Variants in RAD51B observed in about 807,000 individuals in gnomAD.
RAD51B encodes DNA repair protein RAD51 homolog 2.
A neutral mutation model predicts 42.2 loss-of-function variants in RAD51B; 38 were observed. That is an observed-to-expected ratio of 0.90 (90% CI 0.70 to 1.18). The LOEUF (loss-of-function observed/expected upper bound fraction) is 1.18. Among genes scored for constraint, RAD51B ranks in the 50% most tolerant of loss-of-function variants. The pLI, the probability that RAD51B is intolerant of heterozygous loss-of-function variation, is 0.00. For synonymous variants in RAD51B, 154 were observed against 145.2 expected (o/e 1.06, Z -0.43); for missense variants, 373 against 400.7 (o/e 0.93, Z 0.59).
chr14:68,110,960 T>C (rs2077450776), intron 7 of RAD51B, among the ~76,000 whole-genome samples: 1 of 152,114 alleles, frequency 6.6e-6, no homozygotes, highest in African/African-American at 2.4e-5. Flanking sequence ...TTACTCTCCC[T>C]GCACTTATCC....
Position 68,232,935 on chromosome 14 carries a change from G to A in RAD51B, c.757-58949G>A, listed in dbSNP as rs1057148039. Reference sequence around the variant, plus strand: ...TGGAAGGGCTATGTAGATCAAGGAGGTCAGATAAATTGGCTTGATGTTGGT... The same window carrying A: ...TGGAAGGGCTATGTAGATCAAGGAGATCAGATAAATTGGCTTGATGTTGGT... On this transcript the variant is annotated intron_variant, in intron 7 of 10. Coordinates refer to ENST00000471583, the MANE Select transcript of RAD51B (RefSeq NM_133510.4). Among the ~76,000 whole-genome samples, 5 of 152,292 alleles carry A rather than the reference G, an allele frequency of 3.3e-5. No individual in the cohort carries two copies. The East Asian group carries it at 9.6e-4, about 29-fold the overall frequency.
At chr14:67,960,990 A>T (rs2074652244) in intron 7 of RAD51B, among the ~76,000 whole-genome samples, 1 of 151,906 alleles carries the variant, frequency 6.6e-6, no homozygotes, top group Admixed American at 6.6e-5. Flanking sequence ...CTAAGTTATT[A>T]TTTGTTCGTT....
chr14:68,642,724 C>G (rs1314509428), intron 10 of RAD51B, among the ~76,000 whole-genome samples: 1 of 152,140 alleles, frequency 6.6e-6, no homozygotes, highest in Non-Finnish European at 1.5e-5. Flanking sequence ...GATCTTTCTT[C>G]TAACGTATGC....
chr14:68,261,333 G>A (rs1417345286), intron 7 of RAD51B, among the ~76,000 whole-genome samples: 1 of 152,240 alleles, frequency 6.6e-6, no homozygotes, highest in African/African-American at 2.4e-5. Flanking sequence ...TGTATCTTAA[G>A]AGAAGGCCTC....
intron 7 of RAD51B, among the ~76,000 whole-genome samples, chr14:68,062,836 A>G (rs937647362): frequency 6.6e-6 from 1 of 151,492 alleles, no homozygotes; most frequent in Non-Finnish European, 1.5e-5. Context: ...AAAAAAGAAA[A>G]AAAAAAAAGA....
intron 8 of RAD51B, among the ~76,000 whole-genome samples, chr14:68,396,852 A>G (rs956142703): frequency 1.3e-5 from 2 of 152,228 alleles, no homozygotes; most frequent in African/African-American, 4.8e-5. Flanking sequence ...GGTAGTTTCC[A>G]TGCATTTTCC....
intron 7 of RAD51B, among the ~76,000 whole-genome samples, chr14:68,141,207 A>G (rs1207579400): frequency 2.6e-5 from 4 of 152,228 alleles, no homozygotes; most frequent in African/African-American, 9.6e-5. Flanking sequence ...AAATCTAGTC[A>G]TTCTCATAAA....
intron 9 of RAD51B, among the ~76,000 whole-genome samples, chr14:68,411,890 T>C (rs550048737): frequency 6.6e-6 from 1 of 152,326 alleles, no homozygotes; most frequent in Admixed American, 6.5e-5. Flanking sequence ...TGATGATGCT[T>C]TTTCTTGAAG....
intron 7 of RAD51B, among the ~76,000 whole-genome samples, chr14:68,086,330 G>A (rs553351425): frequency 6.6e-6 from 1 of 152,216 alleles, no homozygotes; most frequent in African/African-American, 2.4e-5. Context: ...TCCTCGGCTC[G>A]TGTGCTCCTC....
chr14:68,098,245 A>G (rs1417131939), intron 7 of RAD51B, among the ~76,000 whole-genome samples: 1 of 152,244 alleles, frequency 6.6e-6, no homozygotes, highest in Non-Finnish European at 1.5e-5. Flanking sequence ...TCTGTAGCTT[A>G]TAGTCCATTC....
chr14:68,069,179 G>T (rs769086433), intron 7 of RAD51B, among the ~76,000 whole-genome samples: 2 of 152,176 alleles, frequency 1.3e-5, no homozygotes, highest in African/African-American at 2.4e-5. Context: ...GGTATGACCT[G>T]CTATGCCTTG....
intron 7 of RAD51B, among the ~76,000 whole-genome samples, chr14:67,971,372 A>G (rs1260577706): frequency 6.6e-6 from 1 of 152,124 alleles, no homozygotes; most frequent in Non-Finnish European, 1.5e-5. Flanking sequence ...CAGATTAAAA[A>G]AAGGTTACTT....
intron 8 of RAD51B, among the ~76,000 whole-genome samples, chr14:68,315,073 A>C (rs2139741928): frequency 6.6e-6 from 1 of 152,336 alleles, no homozygotes; most frequent in South Asian, 2.1e-4. Flanking sequence ...TGTGTCTGGC[A>C]AACTTAGAAG....
At chr14:68,494,800 G>A (rs551069164) in intron 10 of RAD51B, among the ~76,000 whole-genome samples, 3 of 151,896 alleles carry the variant, frequency 2.0e-5, no homozygotes, top group South Asian at 4.1e-4. Flanking sequence ...GTTAATGATC[G>A]GGAAAGTTTA....
intron 4 of RAD51B, among the ~76,000 whole-genome samples, chr14:67,849,920 T>G (rs1009420158): frequency 1.3e-5 from 2 of 152,164 alleles, no homozygotes; most frequent in African/African-American, 4.8e-5. Flanking sequence ...CTGTGATTCT[T>G]TGGTGGTGTT....
Position 68,468,163 on chromosome 14 carries a change from T to C in RAD51B, c.958-9T>C. 1.2e-6 allele frequency: 2 copies of C among 1,612,940 alleles called. No individual in the cohort carries two copies. The highest frequency in any genetic ancestry group is 1.7e-6 in the Non-Finnish European group (2 of 1,178,928). The stretch of plus-strand genomic sequence containing the variant: ...TGACTAACCCTAGAAAAATGTGCTT[T>C]ATGTGCAGATTCTTATTGCCAAGTC... On this transcript the variant is annotated splice_polypyrimidine_tract_variant and intron_variant, in intron 9 of 10. Coordinates refer to ENST00000471583, the MANE Select transcript of RAD51B (RefSeq NM_133510.4).
At chr14:68,505,979 T>C (rs990060755) in intron 10 of RAD51B, among the ~76,000 whole-genome samples, 29 of 152,232 alleles carry the variant, frequency 1.9e-4, no homozygotes, top group African/African-American at 7.0e-4. Flanking sequence ...CCAGCTTTTC[T>C]TGTGGGCCAA....
intron 10 of RAD51B, among the ~76,000 whole-genome samples, chr14:68,527,781 T>A (rs1038592481): frequency 6.6e-5 from 10 of 152,266 alleles, no homozygotes; most frequent in Non-Finnish European, 1.5e-4. Context: ...AAAGGCCACC[T>A]AATTTGTAGA....
intron 11 of RAD51B, among the ~76,000 whole-genome samples, chr14:68,676,203 A>G (rs752993387): frequency 3.3e-5 from 5 of 152,198 alleles, no homozygotes; most frequent in Non-Finnish European, 5.9e-5. Context: ...CTATGGGGTA[A>G]GTGCAACTAT....
Sources: allele counts gnomAD v4.1 joint callset (sites outside exome capture counted in the v4.1 genomes callset), GRCh38; gene constraint gnomAD v4.1.1; transcripts MANE v1.5; gene names NCBI Gene and HGNC (gene_info 2026-07-23, HGNC 2026-07-21).